Variants in SLC22A25 observed in about 807,000 individuals in gnomAD.
The protein encoded by SLC22A25 is MGI:2442751, MGI:2385316, MGI:3042283, MGI:3645714, MGI:3605624, MGI:2442750.
Under a neutral mutation model 45.9 loss-of-function variants are expected in SLC22A25, and 44 were observed. That is an observed-to-expected ratio of 0.96 (90% CI 0.75 to 1.23). SLC22A25 has a LOEUF of 1.23. SLC22A25 is among the 50% of genes most tolerant of loss of function. The pLI is 0.00. For missense variants in SLC22A25, 800 were observed against 666.4 expected (o/e 1.20, Z -2.21); for synonymous variants, 283 against 238.6 (o/e 1.19, Z -1.72).
At chr11:63,226,663 T>C (rs879695124) in intron 5 of SLC22A25, among the ~76,000 whole-genome samples, 1 of 152,206 alleles carries the variant, frequency 6.6e-6, no homozygotes, top group Non-Finnish European at 1.5e-5. Context: ...CTATATTTGC[T>C]AAAGGTCCTA....
chr11:63,232,876 C>A (rs1196239200), intron 3 of SLC22A25, among the ~76,000 whole-genome samples: 1 of 152,202 alleles, frequency 6.6e-6, no homozygotes, highest in Non-Finnish European at 1.5e-5. Flanking sequence ...GCCTTTTCTG[C>A]ATCTATTGAG....
chr11:63,172,751 C>A (rs2087935725), intron 9 of SLC22A25, among the ~76,000 whole-genome samples: 1 of 148,072 alleles, frequency 6.8e-6, no homozygotes, highest in African/African-American at 2.5e-5. Context: ...GAAATAGAAA[C>A]AATTTTACAC....
intron 7 of SLC22A25, among the ~76,000 whole-genome samples, chr11:63,204,230 A>G (rs2089331024): frequency 6.6e-6 from 1 of 152,148 alleles, no homozygotes; most frequent in Non-Finnish European, 1.5e-5. Flanking sequence ...ACCATTGACA[A>G]TATGAAGAAA....
intron 5 of SLC22A25, among the ~76,000 whole-genome samples, chr11:63,227,027 C>T (rs1434550326): frequency 2.6e-5 from 4 of 152,086 alleles, no homozygotes; most frequent in Non-Finnish European, 5.9e-5. Context: ...TGGGACTCAC[C>T]CTTTAGGGCA....
At chr11:63,219,465 A>T (rs946091015) in intron 5 of SLC22A25, among the ~76,000 whole-genome samples, 1 of 152,198 alleles carries the variant, frequency 6.6e-6, no homozygotes, top group Non-Finnish European at 1.5e-5. Flanking sequence ...GTATTCATCC[A>T]TGTTATGGTA....
chr11:63,233,624 T>A, intron 3 of SLC22A25, among the ~76,000 whole-genome samples: 1 of 152,208 alleles, frequency 6.6e-6, no homozygotes, highest in East Asian at 1.9e-4. Flanking sequence ...GTTTTTTGTG[T>A]CTCTATCTCC....
At chr11:63,194,587 C>T (rs570922333) in intron 7 of SLC22A25, among the ~76,000 whole-genome samples, 5 of 152,060 alleles carry the variant, frequency 3.3e-5, no homozygotes, top group African/African-American at 4.8e-5. Flanking sequence ...AAAGGAACAA[C>T]GGGTATCAGC....
intron 5 of SLC22A25, among the ~76,000 whole-genome samples, chr11:63,228,107 GA>G (rs1294332889): frequency 6.6e-6 from 1 of 152,228 alleles, no homozygotes; most frequent in Non-Finnish European, 1.5e-5. Flanking sequence ...TGGTTCTTAT[GA>G]AGGTGCATTT....
intron 7 of SLC22A25, among the ~76,000 whole-genome samples, chr11:63,185,571 T>G (rs1376560979): frequency 2.0e-5 from 3 of 151,162 alleles, no homozygotes; most frequent in Non-Finnish European, 4.4e-5. Context: ...ACTTTAAGTT[T>G]TAGGGTACAT....
chr11:63,205,599 A>T (rs980576277), intron 7 of SLC22A25, among the ~76,000 whole-genome samples: 2 of 152,200 alleles, frequency 1.3e-5, no homozygotes, highest in African/African-American at 4.8e-5. Flanking sequence ...CCAAGACTAA[A>T]CCAGGAAGAA....
At chr11:63,192,672 A>C (rs2088857134) in intron 7 of SLC22A25, among the ~76,000 whole-genome samples, 1 of 152,188 alleles carries the variant, frequency 6.6e-6, no homozygotes. Context: ...AAGGCAGAAA[A>C]ACCAGGGGTT....
chr11:63,204,732 G>A (rs937578598), intron 7 of SLC22A25, among the ~76,000 whole-genome samples: 4 of 152,130 alleles, frequency 2.6e-5, no homozygotes, highest in Non-Finnish European at 2.9e-5. Context: ...ACACCCCACT[G>A]TCAATATTAG....
chr11:63,168,669 A>G (rs1325571560), intron 9 of SLC22A25, among the ~76,000 whole-genome samples: 2 of 152,208 alleles, frequency 1.3e-5, no homozygotes. Flanking sequence ...GGACTCTGTG[A>G]AAAGACCAAA....
At chr11:63,175,981 T>G (rs1477401460) in intron 9 of SLC22A25, among the ~76,000 whole-genome samples, 1 of 152,078 alleles carries the variant, frequency 6.6e-6, no homozygotes, top group African/African-American at 2.4e-5. Flanking sequence ...AGAAACTATC[T>G]TTTTCTATTG....
At chr11:63,217,192 A>G in intron 7 of SLC22A25, 122 bp downstream of exon 7, 3 of 1,079,226 alleles carry the variant, frequency 2.8e-6, no homozygotes, top group Non-Finnish European at 2.5e-6. Flanking sequence ...TTGCATATTT[A>G]GCACAGATTA....
chr11:63,218,596 A>G (rs1035620099), intron 5 of SLC22A25, among the ~76,000 whole-genome samples: 1 of 152,222 alleles, frequency 6.6e-6, no homozygotes, highest in Non-Finnish European at 1.5e-5. Context: ...AGCACACTAG[A>G]GAGTCTGTAT....
chr11:63,234,451 G>A (rs2510591), intron 3 of SLC22A25, among the ~76,000 whole-genome samples: 118,792 of 151,982 alleles, frequency 0.78, 47,282 homozygotes, highest in African/African-American at 0.94. Context: ...CAGAGACTAG[G>A]ATTGCAACCC....
intron 5 of SLC22A25, 137 bp from the exon 6 acceptor site, chr11:63,217,872 G>A: frequency 9.8e-7 from 1 of 1,015,418 alleles, no homozygotes; most frequent in African/African-American, 1.6e-5. Flanking sequence ...AGAATCAACA[G>A]TTAATCAATG....
intron 9 of SLC22A25, among the ~76,000 whole-genome samples, chr11:63,180,121 T>A (rs1038582477): frequency 1.3e-5 from 2 of 152,156 alleles, no homozygotes; most frequent in Non-Finnish European, 2.9e-5. Flanking sequence ...TACAATGTCT[T>A]GTCTCAGTTT....
Sources: gnomAD v4.1 joint callset for allele counts (sites outside exome capture counted in the v4.1 genomes callset) on GRCh38, gnomAD v4.1.1 for gene constraint, MANE v1.5 for transcripts, NCBI Gene and HGNC (gene_info 2026-07-23, HGNC 2026-07-21) for gene names.